Variants in EDEM1 observed in about 807,000 individuals in gnomAD.
EDEM1 encodes ER degradation-enhancing alpha-mannosidase-like protein 1.
EDEM1 carries 67 observed loss-of-function variants against 74.4 expected under a neutral mutation model. The ratio of observed to expected loss-of-function variants is 0.90; its 90% CI spans 0.74 to 1.10. The LOEUF is 1.10. Among genes scored for constraint, EDEM1 ranks in the 50% least tolerant of loss-of-function variants. The pLI, the probability that EDEM1 is intolerant of heterozygous loss-of-function variation, is 0.00. For missense variants in EDEM1, 926 were observed against 851.6 expected (o/e 1.09, Z -1.09); for synonymous variants, 382 against 335.9 (o/e 1.14, Z -1.50).
At chr3:5,214,216 T>A (rs148258830) in intron 11 of EDEM1, among the ~76,000 whole-genome samples, 1 of 152,298 alleles carries the variant, frequency 6.6e-6, no homozygotes, top group East Asian at 1.9e-4. Context: ...TTGAATCAAA[T>A]AGGATGATTT....
chr3:5,196,483 C>CACACAA (rs1384739421), intron 2 of EDEM1, among the ~76,000 whole-genome samples: 1 of 151,582 alleles, frequency 6.6e-6, no homozygotes, highest in African/African-American at 2.4e-5. Flanking sequence ...CACACACACA[C>CACACAA]AAGAATTGGG....
rs2054858253 is a variant in EDEM1 at position 5,188,513 on chromosome 3, TC to T, written c.509+201del. On this transcript the variant is annotated intron_variant, in intron 1 of 11. Coordinates refer to ENST00000256497, the MANE Select transcript of EDEM1 (RefSeq NM_014674.3). ...AGGGTGCGGGGTGGGCCGGTGGCCT[TC>T]CTCTCCTGATTCTCCCGGAATCTCC... is the stretch of plus-strand genomic sequence containing the variant. 7 of 476,660 alleles carry T rather than the reference TC, an allele frequency of 1.5e-5. No individual in the cohort carries two copies. The South Asian group carries it at 4.8e-4, about 33-fold the overall frequency. The allele number at this position is 476,660 out of a possible 1,614,324, so 29.5% of individuals were successfully genotyped here.
chr3:5,193,600 A>T (rs1048343517), intron 1 of EDEM1, among the ~76,000 whole-genome samples: 32 of 146,278 alleles, frequency 2.2e-4, no homozygotes, highest in South Asian at 6.5e-4. Context: ...AGTATCTAAA[A>T]TTTTTTTTTT....
rs1280239965 is a variant in EDEM1 at position 5,219,955 on chromosome 3, T to C, written c.*4037T>C. 1 of 152,452 alleles carries C rather than the reference T, an allele frequency of 6.6e-6. No homozygotes were observed. The highest frequency in any genetic ancestry group is 1.5e-5 in the Non-Finnish European group (1 of 68,054). 9.4% of individuals were successfully genotyped at this position (152,452 alleles called of 1,614,324 possible). On this transcript the variant is annotated 3_prime_UTR_variant, in exon 12 of 12. Coordinates refer to ENST00000256497, the MANE Select transcript of EDEM1 (RefSeq NM_014674.3). ...AATTTTTATTAAAAGATTTCTTTTT[T>C]TGAGTTGTCATCTTGTTTCTTTTTT...
rs1231585444 is a variant in EDEM1, at chr3:5,216,006, A to G, written c.*88A>G. 5.3e-6 allele frequency: 6 copies of G among 1,134,514 alleles called. No homozygotes were observed. The highest frequency in any genetic ancestry group is 1.6e-5 in the African/African-American group (1 of 64,050). The allele number at this position is 1,134,514 out of a possible 1,614,324, so 70.3% of individuals were successfully genotyped here. On this transcript the variant is annotated 3_prime_UTR_variant, in exon 12 of 12. Coordinates refer to ENST00000256497, the MANE Select transcript of EDEM1 (RefSeq NM_014674.3). ...AGTCCAGTCTGAAATGAAAGGGGAC[A>G]GAAGTCTTGCTGTCCATGGTGGTGT...
At chr3:5,210,424 T>G (rs1006699546) in intron 9 of EDEM1, among the ~76,000 whole-genome samples, 176 bp downstream of exon 9, 1 of 152,244 alleles carries the variant, frequency 6.6e-6, no homozygotes, top group Non-Finnish European at 1.5e-5. Flanking sequence ...TACTGAGAAC[T>G]GCCCTTTCTT....
intron 4 of EDEM1, 27 bp from the exon 5 acceptor site, chr3:5,202,937 TCA>T: frequency 6.2e-7 from 1 of 1,602,802 alleles, no homozygotes. Context: ...TTGAGTTTTG[TCA>T]CAGTCTTTGT....
At chr3:5,209,204 C>A (rs952168637) in intron 8 of EDEM1, among the ~76,000 whole-genome samples, 2 of 152,136 alleles carry the variant, frequency 1.3e-5, no homozygotes, top group African/African-American at 4.8e-5. Flanking sequence ...TCCTGTGAAA[C>A]TGGTAGTAGT....
chr3:5,187,939 G>A lies in EDEM1; in HGVS notation c.134G>A (p.Arg45His). 6.3e-7 allele frequency: 1 copy of A among 1,583,412 alleles called. No individual in the cohort carries two copies. The highest frequency in any genetic ancestry group is 2.3e-5 in the East Asian group (1 of 42,698). Reference protein sequence around the residue: ...QRFPLSFGFQRLRSPDGPASP... With the variant: ...QRFPLSFGFQHLRSPDGPASP... ...TTTCCGCTCAGCTTCGGCTTCCAGC[G>A]TCTGAGGAGCCCCGACGGCCCCGCG... The change falls in exon 1 of 12, where the codon CGT becomes CAT. Residue 45 changes from arginine to histidine, a missense_variant. By Grantham distance (29) the Arg-to-His change is conservative (BLOSUM62 0). Transcript: ENST00000256497.
rs978377100 is a variant in EDEM1 at position 5,205,222 on chromosome 3, C to G, written c.1198C>G (p.Gln400Glu). The stretch of plus-strand genomic sequence containing the variant: ...GTTTAATGCTGCATATCAGAGTATT[C>G]AGAACTACTTAAGAAGAGGGTATGT... ...EMFNAAYQSI[Q>E]NYLRRGREAC... The change falls in exon 6 of 12, where the codon CAG becomes GAG. Residue 400 changes from glutamine to glutamate, a missense_variant. Coordinates refer to ENST00000256497, the MANE Select transcript of EDEM1 (RefSeq NM_014674.3). The G allele has an allele frequency of 1.2e-6, 2 of 1,613,892 alleles. No homozygotes were observed. Among genetic ancestry groups the G allele is most frequent in the Admixed American group, 3.3e-5 (2 of 59,998 alleles).
At chr3:5,208,552 T>G (rs577400551) in intron 8 of EDEM1, among the ~76,000 whole-genome samples, 4 of 152,128 alleles carry the variant, frequency 2.6e-5, no homozygotes, top group Non-Finnish European at 4.4e-5. Flanking sequence ...ATGAGGAAGA[T>G]TTGGTACTAA....
At chr3:5,208,456 C>T (rs2055126461) in intron 8 of EDEM1, among the ~76,000 whole-genome samples, 193 bp downstream of exon 8, 1 of 152,280 alleles carries the variant, frequency 6.6e-6, no homozygotes, top group South Asian at 2.1e-4. Context: ...AAGGCATCTG[C>T]AGTCAAATAT....
intron 6 of EDEM1, among the ~76,000 whole-genome samples, chr3:5,206,578 C>T (rs919340676): frequency 1.3e-5 from 2 of 152,188 alleles, no homozygotes; most frequent in African/African-American, 2.4e-5. Flanking sequence ...ACTGAGCTTC[C>T]TGCTTGGATT....
At chr3:5,211,924 C>T (rs2055173615) in intron 10 of EDEM1, among the ~76,000 whole-genome samples, 2 of 152,200 alleles carry the variant, frequency 1.3e-5, no homozygotes, top group African/African-American at 4.8e-5. Flanking sequence ...CCCCCTGCCA[C>T]TTTCCTCAGT....
At chr3:5,192,094 T>C (rs1323011278) in intron 1 of EDEM1, among the ~76,000 whole-genome samples, 4 of 152,228 alleles carry the variant, frequency 2.6e-5, no homozygotes, top group African/African-American at 9.7e-5. Context: ...TCTTTCAGAG[T>C]CAGGCTCCTC....
chr3:5,199,155 C>G (rs927097719), intron 2 of EDEM1, among the ~76,000 whole-genome samples: 12 of 152,198 alleles, frequency 7.9e-5, no homozygotes, highest in African/African-American at 2.4e-4. Flanking sequence ...GTTTTGGTCT[C>G]CTGGGAGCCA....
rs2055236967 is a variant in EDEM1 at position 5,216,354 on chromosome 3, G to T, written c.*436G>T. 6.5e-6 allele frequency: 1 copy of T among 152,704 alleles called. No homozygotes were observed. The highest frequency in any genetic ancestry group is 1.5e-5 in the Non-Finnish European group (1 of 68,616). 9.5% of individuals were successfully genotyped at this position (152,704 alleles called of 1,614,324 possible). A position where few individuals can be genotyped will look rare whatever the true frequency, so the allele number is the denominator to read the frequency against. ...GGTCTTGATATTTTTTTGGGACAGG[G>T]TTACCTGGGCTCAAGTGATCCTTCT... On this transcript the variant is annotated 3_prime_UTR_variant, in exon 12 of 12. Transcript: ENST00000256497.
At position 5,187,914 on chromosome 3, in the gene EDEM1, T is replaced by A; in HGVS notation, c.109T>A (p.Phe37Ile). The change falls in exon 1 of 12, where the codon TTT (phenylalanine) becomes ATT (isoleucine). Residue 37 changes from phenylalanine to isoleucine, a missense_variant. Transcript: ENST00000256497. The stretch of plus-strand genomic sequence containing the variant: ...GCCCAGCATGGGCTTCTACCAGCGC[T>A]TTCCGCTCAGCTTCGGCTTCCAGCG... ...LGPSMGFYQR[F>I]PLSFGFQRLR... 1 of 1,597,314 alleles carries A rather than the reference T, an allele frequency of 6.3e-7. No individual in the cohort carries two copies. Among genetic ancestry groups the A allele is most frequent in the Non-Finnish European group, 8.5e-7 (1 of 1,174,384 alleles).
At chr3:5,212,680 C>T (rs548413570) in intron 10 of EDEM1, among the ~76,000 whole-genome samples, 1 of 152,334 alleles carries the variant, frequency 6.6e-6, no homozygotes, top group African/African-American at 2.4e-5. Context: ...TCAACATTCA[C>T]AGAACACTTG....
Sources: gnomAD v4.1 joint callset for allele counts (sites outside exome capture counted in the v4.1 genomes callset) on GRCh38, gnomAD v4.1.1 for gene constraint, MANE v1.5 for transcripts, NCBI Gene and HGNC (gene_info 2026-07-23, HGNC 2026-07-21) for gene names.